Variants in TACR3 observed in about 807,000 individuals in gnomAD.
The protein encoded by TACR3 is tachykinin receptor 3.
Under a neutral mutation model 35.0 loss-of-function variants are expected in TACR3, and 34 were observed. That is an observed-to-expected ratio of 0.97 (90% confidence interval 0.74 to 1.30). The LOEUF (loss-of-function observed/expected upper bound fraction) is 1.30. Ranked by LOEUF, TACR3 falls within the 50% of genes most tolerant of loss-of-function variation. The pLI is 0.00. For missense variants in TACR3, 558 were observed against 591.7 expected (o/e 0.94, Z 0.59); for synonymous variants, 233 against 221.1 (o/e 1.05, Z -0.48).
At chr4:103,681,244 C>A (rs1044433944) in intron 1 of TACR3, among the ~76,000 whole-genome samples, 1 of 152,012 alleles carries the variant, frequency 6.6e-6, no homozygotes, top group African/African-American at 2.4e-5. Context: ...CACATTCCTA[C>A]GTGTTATGAA....
At position 103,719,578 on chromosome 4, in the gene TACR3, G is replaced by T. The variant is rs769653808; in HGVS notation, c.98C>A (p.Ala33Asp). Residue 33 changes from alanine to aspartate, a missense_variant, in exon 1 of 5, where the codon GCC (alanine) becomes GAC (aspartate). Ala to Asp is a moderately radical substitution (Grantham distance 126). Transcript: ENST00000304883. ...CCACCCAGTCTCAACTGCCCCCGTG[G>T]CCGCCCCGGCAGCTAGCGAGGCGGT... is the stretch of plus-strand genomic sequence containing the variant. The part of the protein sequence containing the change: ...NLTASLAAGA[A>D]TGAVETGWLQ... 6.2e-7 allele frequency: 1 copy of T among 1,610,258 alleles called. No homozygotes were observed.
intron 1 of TACR3, among the ~76,000 whole-genome samples, chr4:103,663,760 C>T (rs767529670): frequency 3.1e-4 from 47 of 152,232 alleles, no homozygotes; most frequent in Middle Eastern, 3.4e-3. Context: ...GTTTGGGCAC[C>T]AATATTTTCT....
At chr4:103,700,598 T>C (rs1183599489) in intron 1 of TACR3, among the ~76,000 whole-genome samples, 2 of 152,148 alleles carry the variant, frequency 1.3e-5, no homozygotes, top group Admixed American at 1.3e-4. Context: ...GGGAAATTAT[T>C]TTACTGCTTA....
chr4:103,592,417 A>G (rs182238401), intron 3 of TACR3, among the ~76,000 whole-genome samples: 2 of 152,298 alleles, frequency 1.3e-5, no homozygotes, highest in African/African-American at 4.8e-5. Context: ...TATCCTGGAC[A>G]GCTCTAATCA....
intron 1 of TACR3, among the ~76,000 whole-genome samples, chr4:103,690,231 A>T (rs1722370837): frequency 6.6e-6 from 1 of 152,208 alleles, no homozygotes; most frequent in Non-Finnish European, 1.5e-5. Context: ...TCAAATCCAC[A>T]TGAAGATATA....
At chr4:103,672,989 C>A (rs967640114) in intron 1 of TACR3, among the ~76,000 whole-genome samples, 1 of 152,164 alleles carries the variant, frequency 6.6e-6, no homozygotes, top group Non-Finnish European at 1.5e-5. Context: ...CCTCAGGAAC[C>A]AAACTCTGCT....
At chr4:103,606,162 C>G (rs1439725192) in intron 3 of TACR3, among the ~76,000 whole-genome samples, 1 of 151,640 alleles carries the variant, frequency 6.6e-6, no homozygotes, top group Non-Finnish European at 1.5e-5. Flanking sequence ...TCTGAGGGCT[C>G]TGTTCTGTTC....
intron 3 of TACR3, among the ~76,000 whole-genome samples, chr4:103,618,967 G>C (rs745500625): frequency 6.6e-6 from 1 of 152,106 alleles, no homozygotes; most frequent in Non-Finnish European, 1.5e-5. Context: ...TACTAAAGTT[G>C]TTTATCAATT....
At chr4:103,714,908 G>A (rs541914951) in intron 1 of TACR3, among the ~76,000 whole-genome samples, 6 of 152,088 alleles carry the variant, frequency 3.9e-5, no homozygotes, top group African/African-American at 1.4e-4. Flanking sequence ...GCTCTTCCTA[G>A]AGGATCTTTG....
intron 1 of TACR3, among the ~76,000 whole-genome samples, chr4:103,703,416 A>C (rs554725053): frequency 2.7e-4 from 41 of 152,272 alleles, no homozygotes; most frequent in Non-Finnish European, 4.3e-4. Flanking sequence ...AAAGAAAACT[A>C]TAAAAGAAAA....
intron 1 of TACR3, among the ~76,000 whole-genome samples, chr4:103,712,176 C>T (rs1722979938): frequency 6.6e-6 from 1 of 152,140 alleles, no homozygotes; most frequent in African/African-American, 2.4e-5. Flanking sequence ...AAAAAAGAGC[C>T]CGCGTTGCCA....
At chr4:103,650,475 AT>A (rs966843577) in intron 3 of TACR3, among the ~76,000 whole-genome samples, 60 of 136,464 alleles carry the variant, frequency 4.4e-4, no homozygotes, top group Admixed American at 7.8e-4. Context: ...ATTTATATAT[AT>A]TTATATATAA....
At position 103,589,877 on chromosome 4, in the gene TACR3, G is replaced by A; in HGVS notation, c.1203C>T (p.Tyr401=). The stretch of plus-strand genomic sequence containing the variant: ...TCATGGACTCCATTCTGGTCACGGT[G>A]TACATACTGCTTTGCCGGTTTGGAT... The part of the protein sequence containing the change: ...RFHPNRQSSM[Y]TVTRMESMTV... Residue 401 remains tyrosine (Y), a synonymous_variant, in exon 5 of 5, where the codon TAC becomes TAT. Transcript: ENST00000304883. 1 of 1,614,004 alleles carries A rather than the reference G, an allele frequency of 6.2e-7. No homozygotes were observed. The highest frequency in any genetic ancestry group is 8.5e-7 in the Non-Finnish European group (1 of 1,179,890).
chr4:103,650,663 TA>T (rs1184447938), intron 3 of TACR3, among the ~76,000 whole-genome samples: 1 of 30,310 alleles, frequency 3.3e-5, no homozygotes, highest in Non-Finnish European at 4.7e-5. Context: ...TAAATATATA[TA>T]AATAAATATA....
intron 1 of TACR3, among the ~76,000 whole-genome samples, chr4:103,672,907 T>C (rs1726083982): frequency 6.6e-6 from 1 of 152,210 alleles, no homozygotes; most frequent in Non-Finnish European, 1.5e-5. Flanking sequence ...TTTAGATAAC[T>C]TGCTGCAGCT....
chr4:103,593,956 G>A (rs1177483564), intron 3 of TACR3, among the ~76,000 whole-genome samples: 1 of 152,044 alleles, frequency 6.6e-6, no homozygotes, highest in Non-Finnish European at 1.5e-5. Flanking sequence ...CATACATAAA[G>A]GGTACTCAGA....
intron 1 of TACR3, among the ~76,000 whole-genome samples, chr4:103,700,487 T>C (rs1011631097): frequency 3.9e-5 from 6 of 152,196 alleles, no homozygotes; most frequent in Admixed American, 1.3e-4. Context: ...CTGTGTGACA[T>C]AGCACAAGAA....
At chr4:103,604,852 T>C (rs907040423) in intron 3 of TACR3, among the ~76,000 whole-genome samples, 3 of 151,492 alleles carry the variant, frequency 2.0e-5, no homozygotes, top group East Asian at 3.9e-4. Context: ...TATTATACTT[T>C]AAGTTTTAGG....
intron 3 of TACR3, among the ~76,000 whole-genome samples, chr4:103,600,284 G>A (rs1377545929): frequency 6.6e-6 from 1 of 152,170 alleles, no homozygotes; most frequent in Non-Finnish European, 1.5e-5. Context: ...TTGTATTCCT[G>A]TGGGATCAGT....
Sources: gnomAD v4.1 joint callset for allele counts (sites outside exome capture counted in the v4.1 genomes callset) on GRCh38, gnomAD v4.1.1 for gene constraint, MANE v1.5 for transcripts, NCBI Gene and HGNC (gene_info 2026-07-23, HGNC 2026-07-21) for gene names.